The following EMILIN2 variants were observed in gnomAD, a reference collection of about 807,000 sequenced individuals.
EMILIN2 encodes elastin microfibril interfacer 2.
EMILIN2 carries 71 observed loss-of-function variants against 87.1 expected under a neutral mutation model. The ratio of observed to expected loss-of-function variants is 0.82; its 90% CI spans 0.67 to 0.99. EMILIN2 has a LOEUF of 0.99. Among genes scored for constraint, EMILIN2 ranks in the 50% least tolerant of loss-of-function variants. The probability of loss-of-function intolerance (pLI) is 0.00; values close to 1 mark genes in which losing one functional copy is unlikely to be tolerated. For missense variants in EMILIN2, 1,407 were observed against 1,371.8 expected, an observed-to-expected ratio of 1.03 and a Z score of -0.40; for synonymous variants, 581 against 563.4, an observed-to-expected ratio of 1.03 and a Z score of -0.44.
At chr18:2,898,527 C>A (rs1340690341) in intron 4 of EMILIN2, among the ~76,000 whole-genome samples, 1 of 152,204 alleles carries the variant, frequency 6.6e-6, no homozygotes, top group Non-Finnish European at 1.5e-5. Context: ...TTCCAGATGT[C>A]ACGCTTCCAA....
At chr18:2,870,854 G>A (rs1394951335) in intron 2 of EMILIN2, among the ~76,000 whole-genome samples, 1 of 152,162 alleles carries the variant, frequency 6.6e-6, no homozygotes, top group East Asian at 1.9e-4. Context: ...TCTCTCCATG[G>A]CTTGTAGATG....
At chr18:2,884,566 CA>C in intron 2 of EMILIN2, among the ~76,000 whole-genome samples, 1 of 152,280 alleles carries the variant, frequency 6.6e-6, no homozygotes, top group Admixed American at 6.5e-5. Flanking sequence ...CTTTAAAACA[CA>C]AAACAAAACA....
chr18:2,915,523 CT>C lies in EMILIN2; in HGVS notation c.*2133del, dbSNP rs11334875. The stretch of plus-strand genomic sequence containing the variant: ...GACAGAATCAGGCACAAGTTCACAA[CT>C]TTTTTTTTTTTTTGGGGGGAGACAG... On this transcript the variant is annotated 3_prime_UTR_variant, in exon 8 of 8. Coordinates refer to ENST00000254528, the MANE Select transcript of EMILIN2 (RefSeq NM_032048.3). 55,717 of 146,474 alleles carry C rather than the reference CT, an allele frequency of 0.38. 10,700 individuals carry two copies. The highest frequency in any genetic ancestry group is 0.45 in the Middle Eastern group (125 of 280). 9.1% of individuals were successfully genotyped at this position (146,474 alleles called of 1,614,324 possible).
intron 7 of EMILIN2, among the ~76,000 whole-genome samples, chr18:2,912,332 C>G (rs1403988331): frequency 6.6e-6 from 1 of 152,148 alleles, no homozygotes; most frequent in African/African-American, 2.4e-5. Context: ...TGAGCCACCA[C>G]GCATGGCCAG....
Position 2,907,908 on chromosome 18 carries a change from C to T in EMILIN2, c.2662+823C>T, listed in dbSNP as rs1473285835. 5.3e-5 allele frequency among the ~76,000 whole-genome samples: 8 copies of T among 152,354 alleles called. No individual in the cohort carries two copies. The East Asian group carries it at 1.5e-3, about 29-fold the overall frequency. On this transcript the variant is annotated intron_variant, in intron 5 of 7. Transcript: ENST00000254528. ...GCAAACCAGTCAGTCCCCTCTGAGT[C>T]AGACCAGGCTGACCATCAGGGACAT...
intron 2 of EMILIN2, among the ~76,000 whole-genome samples, chr18:2,855,707 C>T (rs2076623780): frequency 6.6e-6 from 1 of 152,200 alleles, no homozygotes; most frequent in Admixed American, 6.5e-5. Flanking sequence ...TACAGCCTGA[C>T]ATCTCCCACC....
At chr18:2,899,566 A>G (rs968949828) in intron 4 of EMILIN2, among the ~76,000 whole-genome samples, 2 of 151,720 alleles carry the variant, frequency 1.3e-5, no homozygotes, top group South Asian at 2.1e-4. Flanking sequence ...GTGCAGTGGC[A>G]CAATCTCGGC....
In EMILIN2 at chr18:2,847,057, T is replaced by C. The variant is rs537763997; in HGVS notation, c.-132T>C. ...GGAGGGGGCGGCCGCGGAGCACTGG[T>C]TGGAGCGCCGCGAAGCGCCCGAGCC... On this transcript the variant is annotated 5_prime_UTR_variant, in exon 1 of 8. Transcript: ENST00000254528. This position sits in a 1 kb window ranked among gnomAD's most constrained non-coding sequence, Gnocchi z 4.5. 368 of 1,077,162 alleles carry C rather than the reference T, an allele frequency of 3.4e-4. 7 individuals are homozygous for C. In the Admixed American group the frequency reaches 0.011, roughly 33 times the overall value. 66.7% of individuals were successfully genotyped at this position (1,077,162 alleles called of 1,614,324 possible).
At chr18:2,877,150 T>G (rs959313366) in intron 2 of EMILIN2, among the ~76,000 whole-genome samples, 1 of 152,178 alleles carries the variant, frequency 6.6e-6, no homozygotes, top group African/African-American at 2.4e-5. Flanking sequence ...GGGGTCAGAG[T>G]GCACCTCCTA....
chr18:2,847,703 G>A lies in EMILIN2; in HGVS notation c.135-106G>A, dbSNP rs911269393. On this transcript the variant is annotated intron_variant, in intron 1 of 7. Coordinates refer to ENST00000254528, the MANE Select transcript of EMILIN2 (RefSeq NM_032048.3). The surrounding 1 kb of genome is among the most constrained non-coding windows in gnomAD (Gnocchi z 4.5). ...CTCCCGCCTCCGCAGAGGGCGACGG[G>A]CCCCCCCGACCCTCGCTCGGTCTGG... 9 of 1,465,040 alleles carry A rather than the reference G, an allele frequency of 6.1e-6. No individual in the cohort carries two copies. In the African/African-American group the frequency reaches 8.5e-5, roughly 14 times the overall value. 90.8% of individuals were successfully genotyped at this position (1,465,040 alleles called of 1,614,324 possible).
chr18:2,906,958 C>T lies in EMILIN2; in HGVS notation c.2535C>T (p.Ile845=), dbSNP rs545599861. 1.4e-6 allele frequency: 2 copies of T among 1,404,814 alleles called. No homozygotes were observed. The highest frequency in any genetic ancestry group is 9.3e-7 in the Non-Finnish European group (1 of 1,077,826). The allele number at this position is 1,404,814 out of a possible 1,614,324, so 87.0% of individuals were successfully genotyped here. The change falls in exon 5 of 8, where the codon ATC becomes ATT. Residue 845 remains isoleucine, a synonymous_variant. Transcript: ENST00000254528. ...AGCCGCCAGGCTCCACCGGGGTCAT[C>T]GCGGAGACGGGCCAGGCCGGGCCCC... ...PPQPPGSTGV[I]AETGQAGPPA... is the part of the protein sequence containing the mutation.
chr18:2,906,979 GC>G lies in EMILIN2; in HGVS notation c.2562del (p.Ala855GlnfsTer41). 1.6e-5 allele frequency: 22 copies of G among 1,388,198 alleles called. No homozygotes were observed. Among genetic ancestry groups the G allele is most frequent in the Admixed American group, 8.3e-5 (3 of 36,040 alleles). 86.0% of individuals were successfully genotyped at this position (1,388,198 alleles called of 1,614,324 possible). A position where few individuals can be genotyped will look rare whatever the true frequency, so the allele number is the denominator to read the frequency against. Reference sequence around the variant, plus strand: ...TCATCGCGGAGACGGGCCAGGCCGGGCCCCCCGCAGGCGCAGGCGTGTCTGG... The same window carrying G: ...TCATCGCGGAGACGGGCCAGGCCGGGCCCCCGCAGGCGCAGGCGTGTCTGG... ...GVIAETGQAG[P>X]PAGAGVSGRG... On this transcript the variant is annotated frameshift_variant, in exon 5 of 8. Coordinates refer to ENST00000254528, the MANE Select transcript of EMILIN2 (RefSeq NM_032048.3). LOFTEE classifies it high-confidence loss of function.
At chr18:2,905,345 A>AT (rs1362777872) in intron 4 of EMILIN2, among the ~76,000 whole-genome samples, 1 of 141,582 alleles carries the variant, frequency 7.1e-6, no homozygotes, top group Non-Finnish European at 1.6e-5. Context: ...TCTTAGTTTT[A>AT]TTTTTTTAAT....
At chr18:2,910,867 C>T (rs1287071034) in intron 7 of EMILIN2, among the ~76,000 whole-genome samples, 1 of 152,310 alleles carries the variant, frequency 6.6e-6, no homozygotes, top group East Asian at 1.9e-4. Context: ...TTCTCAGTGC[C>T]CCAGGCTGAT....
chr18:2,906,826 G>A lies in EMILIN2; in HGVS notation c.2403G>A (p.Pro801=). The change falls in exon 5 of 8, where the codon CCG becomes CCA. Residue 801 remains proline, a synonymous_variant. Coordinates refer to ENST00000254528, the MANE Select transcript of EMILIN2 (RefSeq NM_032048.3). The part of the protein sequence containing the change: ...PPPPAEAPKE[P]LQPEPAPPRP... ...CGCCCGCAGAGGCCCCGAAGGAGCCGCTGCAGCCCGAGCCCGCCCCGCCGA... is the reference window on the plus strand; with the variant it reads ...CGCCCGCAGAGGCCCCGAAGGAGCCACTGCAGCCCGAGCCCGCCCCGCCGA... 1 of 1,327,048 alleles carries A rather than the reference G, an allele frequency of 7.5e-7. No homozygotes were observed. The highest frequency in any genetic ancestry group is 9.6e-7 in the Non-Finnish European group (1 of 1,042,870). The allele number at this position is 1,327,048 out of a possible 1,614,324, so 82.2% of individuals were successfully genotyped here. A position where few individuals can be genotyped will look rare whatever the true frequency, so the allele number is the denominator to read the frequency against.
At position 2,860,612 on chromosome 18, in the gene EMILIN2, C is replaced by T. The variant is rs191130848; in HGVS notation, c.257+12681C>T. Among the ~76,000 whole-genome samples the T allele has an allele frequency of 4.3e-3, 659 of 152,268 alleles. 7 individuals are homozygous for T. The highest frequency in any genetic ancestry group is 0.014 in the African/African-American group (598 of 41,532). ...ATAGTATTCCATGGTGTATATGTTC[C>T]ACATTTTCTTAATCCAGTCTATCAT... On this transcript the variant is annotated intron_variant, in intron 2 of 7. Coordinates refer to ENST00000254528, the MANE Select transcript of EMILIN2 (RefSeq NM_032048.3).
At chr18:2,876,613 A>G (rs1468722725) in intron 2 of EMILIN2, among the ~76,000 whole-genome samples, 5 of 135,468 alleles carry the variant, frequency 3.7e-5, no homozygotes, top group African/African-American at 1.4e-4. Flanking sequence ...AAAAATACAA[A>G]AAATTAGCCG....
At position 2,894,252 on chromosome 18, in the gene EMILIN2, G is replaced by C. The variant is rs762335562; in HGVS notation, c.2359+1766G>C. On this transcript the variant is annotated intron_variant, in intron 4 of 7. Coordinates refer to ENST00000254528, the MANE Select transcript of EMILIN2 (RefSeq NM_032048.3). This position sits in a 1 kb window ranked among gnomAD's most constrained non-coding sequence, Gnocchi z 5.0. Reference sequence around the variant, plus strand: ...CCTGGCAGCTCAGGAGGGTGGAGAGGGTCCGAGGTAGGTGGGAAAATGCCC... The same window carrying C: ...CCTGGCAGCTCAGGAGGGTGGAGAGCGTCCGAGGTAGGTGGGAAAATGCCC... Among the ~76,000 whole-genome samples the C allele has an allele frequency of 1.3e-5, 2 of 152,112 alleles. No individual in the cohort carries two copies. Among genetic ancestry groups the C allele is most frequent in the Admixed American group, 6.5e-5 (1 of 15,270 alleles).
At chr18:2,885,461 G>A (rs1230473218) in intron 3 of EMILIN2, among the ~76,000 whole-genome samples, 3 of 152,214 alleles carry the variant, frequency 2.0e-5, no homozygotes, top group Non-Finnish European at 4.4e-5. Context: ...ATGTAATGAT[G>A]TACTGTTTGT....
Sources: gnomAD v4.1 joint callset for allele counts (sites outside exome capture counted in the v4.1 genomes callset) on GRCh38, gnomAD v4.1.1 for gene constraint, Gnocchi (gnomAD v3.1) non-coding constraint, MANE v1.5 for transcripts, NCBI Gene and HGNC (gene_info 2026-07-23, HGNC 2026-07-21) for gene names.